Variants in LAMA5 observed in about 807,000 individuals in gnomAD.
The protein encoded by LAMA5 is laminin subunit alpha 5.
A neutral mutation model predicts 433.4 loss-of-function variants in LAMA5; 260 were observed. The ratio of observed to expected loss-of-function variants is 0.60; its 90% CI spans 0.54 to 0.66. LAMA5 has a LOEUF of 0.66. LAMA5 is among the 30% of genes least tolerant of loss of function. LAMA5 has a pLI of 0.00. For missense variants in LAMA5, 5,378 were observed against 5,258.5 expected (o/e 1.02, Z -0.70); for synonymous variants, 2,620 against 2,226.6 (o/e 1.18, Z -4.97).
At chr20:62,363,749 G>C (rs577907496) in intron 1 of LAMA5, among the ~76,000 whole-genome samples, 2 of 152,194 alleles carry the variant, frequency 1.3e-5, no homozygotes, top group East Asian at 3.9e-4. Flanking sequence ...CCTAGGAGGA[G>C]GAGGCAGGAG....
At chr20:62,327,497 A>C in intron 37 of LAMA5, 32 bp downstream of exon 37, 1 of 1,611,656 alleles carries the variant, frequency 6.2e-7, no homozygotes, top group Non-Finnish European at 8.5e-7. Flanking sequence ...GACCTCCCCG[A>C]GAAGGCAATG....
At position 62,324,416 on chromosome 20, in the gene LAMA5, C is replaced by A; in HGVS notation, c.5643+25G>T. The stretch of plus-strand genomic sequence containing the variant: ...CTGTGCCTTCAGTGAATGCTGCCCC[C>A]CTGGCCCCACCAGCCCCTACTCACC... On this transcript the variant is annotated intron_variant, in intron 42 of 79. Coordinates refer to ENST00000252999, the MANE Select transcript of LAMA5 (RefSeq NM_005560.6). This position sits in a 1 kb window ranked among gnomAD's most constrained non-coding sequence, Gnocchi z 4.4. 6.4e-7 allele frequency: 1 copy of A among 1,573,940 alleles called. No homozygotes were observed. The highest frequency in any genetic ancestry group is 1.1e-5 in the South Asian group (1 of 89,228).
At position 62,346,848 on chromosome 20, in the gene LAMA5, G is replaced by T. The variant is rs756366953; in HGVS notation, c.1073-48C>A. 4.4e-6 allele frequency: 7 copies of T among 1,605,234 alleles called. No individual in the cohort carries two copies. The East Asian group carries it at 1.6e-4, about 36-fold the overall frequency. On this transcript the variant is annotated intron_variant, in intron 7 of 79. Transcript: ENST00000252999. ...GTTGGCACGCCCTCCACAGGCCCGG[G>T]CACCGGGGCCCTCTCATGGGCCAGG...
At chr20:62,327,059 C>G in intron 38 of LAMA5, 93 bp from the exon 39 acceptor site, 1 of 1,120,676 alleles carries the variant, frequency 8.9e-7, no homozygotes, top group Non-Finnish European at 1.3e-6. Context: ...AGCACAGAGC[C>G]CTGTGCTGGG....
At chr20:62,325,601 GAGCCTAGA>G in intron 40 of LAMA5, 55 bp from the exon 41 acceptor site, 1 of 1,294,336 alleles carries the variant, frequency 7.7e-7, no homozygotes, top group African/African-American at 1.4e-5. Context: ...ACAGAACAGG[GAGCCTAGA>G]ACAGACCCCC....
chr20:62,362,054 C>T (rs553121934), intron 2 of LAMA5, among the ~76,000 whole-genome samples: 2 of 152,320 alleles, frequency 1.3e-5, no homozygotes, highest in Admixed American at 6.5e-5. Flanking sequence ...AACAGCAGGG[C>T]GCCTGACGCA....
In LAMA5 at chr20:62,311,255, G is replaced by T. The variant is rs566007201; in HGVS notation, c.9995C>A (p.Pro3332Gln). The T allele has an allele frequency of 2.5e-6, 4 of 1,606,430 alleles. No homozygotes were observed. Among genetic ancestry groups the T allele is most frequent in the East Asian group, 2.2e-5 (1 of 44,804 alleles). The change falls in exon 73 of 80, where the codon CCA (proline) becomes CAA (glutamine). Residue 3332 changes from proline to glutamine, a missense_variant. By Grantham distance (76) the Pro-to-Gln change is moderately conservative. Coordinates refer to ENST00000252999, the MANE Select transcript of LAMA5 (RefSeq NM_005560.6). ...GGAGTCTCGGGTGGTCCTGAGGTGT[G>T]GGGGCAGCATGCAGGCAGGATGCCG... ...PARHPACMLP[P>Q]HLRTTRDSYQ...
chr20:62,342,448 C>T (rs1035579822), intron 11 of LAMA5: 5 of 209,516 alleles, frequency 2.4e-5, no homozygotes, highest in Non-Finnish European at 3.0e-5. Flanking sequence ...GAGGCCAAGA[C>T]GGGTGGATCA....
At chr20:62,327,105 G>T in intron 38 of LAMA5, 128 bp downstream of exon 38, 1 of 1,131,298 alleles carries the variant, frequency 8.8e-7, no homozygotes, top group East Asian at 2.5e-5. Flanking sequence ...CCGGGACAGG[G>T]CCTGGGCACC....
At chr20:62,344,453 CTCTT>C (rs1024622373) in intron 11 of LAMA5, among the ~76,000 whole-genome samples, 2 of 151,846 alleles carry the variant, frequency 1.3e-5, no homozygotes, top group African/African-American at 4.8e-5. Flanking sequence ...TGCTGGGAGA[CTCTT>C]TTTTTTTAAA....
chr20:62,318,904 C>T lies in LAMA5; in HGVS notation c.6981G>A (p.Arg2327=), dbSNP rs1266185026. ...CCTGCGGGGCCCCCAGGTCCCGGGC[C>T]CGCATCTCCCAGAGCAGCCGCTCCA... ...AEVERLLWEM[R]ARDLGAPQAA... The change falls in exon 52 of 80, where the codon CGG becomes CGA. Residue 2327 remains arginine (R), a synonymous_variant. Coordinates refer to ENST00000252999, the MANE Select transcript of LAMA5 (RefSeq NM_005560.6). 4 of 1,605,390 alleles carry T rather than the reference C, an allele frequency of 2.5e-6. No homozygotes were observed. Among genetic ancestry groups the T allele is most frequent in the Non-Finnish European group, 2.5e-6 (3 of 1,178,100 alleles).
chr20:62,337,625 CAT>C lies in LAMA5; in HGVS notation c.2127_2128del (p.Val711AlafsTer28), dbSNP rs1981890909. ...GGGGAAGTTGTAGGCACCGGGCACA[CAT>C]GTGTCACACCGCAGCCCCGTCACAC... is the stretch of plus-strand genomic sequence containing the variant. On this transcript the variant is annotated frameshift_variant, in exon 16 of 80. Coordinates refer to ENST00000252999, the MANE Select transcript of LAMA5 (RefSeq NM_005560.6). LOFTEE classifies it high-confidence loss of function. 4 of 1,611,826 alleles carry C rather than the reference CAT, an allele frequency of 2.5e-6. No individual in the cohort carries two copies. The highest frequency in any genetic ancestry group is 1.3e-5 in the African/African-American group (1 of 75,054).
chr20:62,319,956 T>C (rs1350964611), intron 50 of LAMA5, among the ~76,000 whole-genome samples, 161 bp from the exon 51 acceptor site: 1 of 152,236 alleles, frequency 6.6e-6, no homozygotes, highest in Non-Finnish European at 1.5e-5. Flanking sequence ...CACTTGTTAG[T>C]TACCTAAAAT....
At chr20:62,352,161 C>A (rs960391297) in intron 4 of LAMA5, 81 bp downstream of exon 4, 2 of 1,577,534 alleles carry the variant, frequency 1.3e-6, no homozygotes, top group African/African-American at 2.7e-5. Flanking sequence ...TTCCCTTCTC[C>A]AGCCCCGCTC....
In LAMA5 at chr20:62,323,496, G is replaced by GGGGGCACAGATCTCGCAGC; in HGVS notation, c.6005_6023dup (p.Gly2009LeufsTer50). ...GCAGCAGGGCGTTGCCGTAGAAGCC[G>GGGGGCACAGATCTCGCAGC]GGGGCACAGATCTCGCAGCGGGGCC... On this transcript the variant is annotated frameshift_variant, in exon 45 of 80. Transcript: ENST00000252999. LOFTEE classifies it high-confidence loss of function. 6.4e-7 allele frequency: 1 copy of GGGGGCACAGATCTCGCAGC among 1,556,954 alleles called. No individual in the cohort carries two copies. Among genetic ancestry groups the GGGGGCACAGATCTCGCAGC allele is most frequent in the South Asian group, 1.2e-5 (1 of 84,856 alleles).
chr20:62,337,816 G>A lies in LAMA5; in HGVS notation c.2014C>T (p.Pro672Ser). ...QECSPGFHGF[P>S]SCVPCHCSAE... ...CCTAGGCACTCACGGACACAGCTGGGGAAGCCGTGAAAGCCGGGGCTGCAT... is the reference window on the plus strand; with the variant it reads ...CCTAGGCACTCACGGACACAGCTGGAGAAGCCGTGAAAGCCGGGGCTGCAT... Residue 672 changes from proline (P) to serine (S), a missense_variant, in exon 15 of 80, where the codon CCC becomes TCC. Pro to Ser is a moderately conservative substitution (Grantham distance 74). Transcript: ENST00000252999. The A allele has an allele frequency of 1.9e-6, 3 of 1,612,712 alleles. No individual in the cohort carries two copies. Among genetic ancestry groups the A allele is most frequent in the Non-Finnish European group, 2.5e-6 (3 of 1,179,914 alleles).
At position 62,312,797 on chromosome 20, in the gene LAMA5, G is replaced by T. The variant is rs1986458697; in HGVS notation, c.9079-17C>A. ...CACCTGGATCTACAGGACCAGTGGG[G>T]GCTCCAGGGCCAGCTGTGTCCCTGC... On this transcript the variant is annotated splice_polypyrimidine_tract_variant and intron_variant, in intron 66 of 79. Coordinates refer to ENST00000252999, the MANE Select transcript of LAMA5 (RefSeq NM_005560.6). 6.3e-7 allele frequency: 1 copy of T among 1,595,582 alleles called. No individual in the cohort carries two copies. Among genetic ancestry groups the T allele is most frequent in the Non-Finnish European group, 8.5e-7 (1 of 1,174,864 alleles).
intron 9 of LAMA5, 114 bp downstream of exon 9, chr20:62,346,391 TG>T: frequency 7.3e-7 from 1 of 1,362,028 alleles, no homozygotes; most frequent in Non-Finnish European, 1.0e-6. Flanking sequence ...GGCTCCTTCC[TG>T]GGCTGGCCTG....
At chr20:62,321,210 AGAGG>A (rs1568916958) in intron 48 of LAMA5, among the ~76,000 whole-genome samples, 1 of 59,724 alleles carries the variant, frequency 1.7e-5, no homozygotes, top group African/African-American at 7.1e-5. Flanking sequence ...CAGTGGAGGA[AGAGG>A]GGGCCAGTGG....
Sources: allele counts gnomAD v4.1 joint callset (sites outside exome capture counted in the v4.1 genomes callset), GRCh38; gene constraint gnomAD v4.1.1; non-coding constraint Gnocchi (gnomAD v3.1); transcripts MANE v1.5; gene names NCBI Gene and HGNC (gene_info 2026-07-23, HGNC 2026-07-21).